Variants in BCAS3 observed in about 807,000 individuals in gnomAD.
BCAS3 encodes the protein BCAS3 microtubule associated cell migration factor, also known as BCAS4/BCAS3 fusion.
Under a neutral mutation model 116.1 loss-of-function variants are expected in BCAS3, and 53 were observed. That is an observed-to-expected ratio of 0.46 (90% CI 0.37 to 0.57). The LOEUF (loss-of-function observed/expected upper bound fraction) is 0.57, where lower values mean the gene tolerates loss of function less well. BCAS3 is among the 20% of genes least tolerant of loss of function. The probability of loss-of-function intolerance (pLI) is 0.00; values close to 1 mark genes in which losing one functional copy is unlikely to be tolerated. For synonymous variants in BCAS3, 391 were observed against 408.2 expected, an observed-to-expected ratio of 0.96 and a Z score of 0.51; for missense variants, 917 against 1,165.4, an observed-to-expected ratio of 0.79 and a Z score of 3.10.
At chr17:60,689,234 C>T (rs2034489945) in intron 3 of BCAS3, among the ~76,000 whole-genome samples, 3 of 152,144 alleles carry the variant, frequency 2.0e-5, no homozygotes, top group African/African-American at 4.8e-5. Flanking sequence ...AGTGCGGTGG[C>T]ACGATCTCTG....
chr17:61,277,597 C>G (rs11659059), intron 22 of BCAS3, among the ~76,000 whole-genome samples: 3 of 151,088 alleles, frequency 2.0e-5, no homozygotes, highest in Admixed American at 6.6e-5. Flanking sequence ...AATCATATAT[C>G]TGATAAGGGA....
At position 60,921,765 on chromosome 17, in the gene BCAS3, C is replaced by A. The variant is rs2059115236; in HGVS notation, c.994-2642C>A. On this transcript the variant is annotated intron_variant, in intron 12 of 23. Coordinates refer to ENST00000407086, the MANE Select transcript of BCAS3 (RefSeq NM_017679.5). ...TGCTCACTACCTGGGTGCAATATATCCATGTAACAAACCTGCACATGCACC... is the reference window on the plus strand; with the variant it reads ...TGCTCACTACCTGGGTGCAATATATACATGTAACAAACCTGCACATGCACC... 2.0e-5 allele frequency among the ~76,000 whole-genome samples: 3 copies of A among 151,452 alleles called. No individual in the cohort carries two copies. In the South Asian group the frequency reaches 6.2e-4, roughly 31 times the overall value.
At position 61,355,307 on chromosome 17, in the gene BCAS3, A is replaced by G. The variant is rs2058082654; in HGVS notation, c.2426-13020A>G. ...CTTGGCCCCAGGTTTCAGACTTCAAAGTTCTCAGTTGAGAGCCTCGTGTTT... is the reference window on the plus strand; with the variant it reads ...CTTGGCCCCAGGTTTCAGACTTCAAGGTTCTCAGTTGAGAGCCTCGTGTTT... On this transcript the variant is annotated intron_variant, in intron 22 of 23. Transcript: ENST00000407086. The surrounding 1 kb of genome is among the most constrained non-coding windows in gnomAD (Gnocchi z 4.2). Among the ~76,000 whole-genome samples the G allele has an allele frequency of 6.6e-6, 1 of 152,212 alleles. No individual in the cohort carries two copies. Among genetic ancestry groups the G allele is most frequent in the Non-Finnish European group, 1.5e-5 (1 of 68,040 alleles).
intron 7 of BCAS3, chr17:60,810,271 T>A (rs2048677032): frequency 6.7e-6 from 3 of 446,454 alleles, no homozygotes; most frequent in Non-Finnish European, 1.3e-5. Context: ...GGCCAGTGTC[T>A]GTGCAGGCAC....
At chr17:61,040,943 A>C (rs975935239) in intron 19 of BCAS3, 51 bp downstream of exon 19, 1 of 1,467,430 alleles carries the variant, frequency 6.8e-7, no homozygotes, top group Admixed American at 1.7e-5. Flanking sequence ...TTCAGATTTC[A>C]TCTTAAAATG....
intron 11 of BCAS3, among the ~76,000 whole-genome samples, chr17:60,909,023 A>G (rs2058342771): frequency 6.6e-6 from 1 of 152,016 alleles, no homozygotes; most frequent in Non-Finnish European, 1.5e-5. Flanking sequence ...TCATTGGGTA[A>G]CTGTTTGAGC....
intron 7 of BCAS3, among the ~76,000 whole-genome samples, chr17:60,855,209 A>G (rs2053565134): frequency 6.6e-6 from 1 of 151,052 alleles, no homozygotes; most frequent in African/African-American, 2.4e-5. Flanking sequence ...TGGCCTCCCA[A>G]AATGCTGGGA....
intron 22 of BCAS3, among the ~76,000 whole-genome samples, chr17:61,314,649 C>G (rs1236049847): frequency 2.6e-5 from 4 of 152,216 alleles, no homozygotes; most frequent in African/African-American, 9.7e-5. Flanking sequence ...AAGTGCTTGC[C>G]AAGCCTGAAA....
intron 12 of BCAS3, among the ~76,000 whole-genome samples, chr17:60,911,948 A>T (rs2058537692): frequency 6.6e-6 from 1 of 152,212 alleles, no homozygotes; most frequent in Non-Finnish European, 1.5e-5. Flanking sequence ...CTTCAGATAC[A>T]GTGTTCTGTA....
intron 22 of BCAS3, among the ~76,000 whole-genome samples, chr17:61,342,585 G>A (rs1283584143): frequency 6.6e-6 from 1 of 152,188 alleles, no homozygotes; most frequent in African/African-American, 2.4e-5. Flanking sequence ...CACAGGTAGA[G>A]AGCCCAAGCC....
Position 61,215,534 on chromosome 17 carries a change from A to G in BCAS3, c.2425+130970A>G, listed in dbSNP as rs986886573. On this transcript the variant is annotated intron_variant, in intron 22 of 23. Transcript: ENST00000407086. The surrounding 1 kb of genome is among the most constrained non-coding windows in gnomAD (Gnocchi z 4.8). The stretch of plus-strand genomic sequence containing the variant: ...CAAACACCTGCATTCCAACATCTCC[A>G]TAAAGTGCGAACCAAGATACATTAT... Among the ~76,000 whole-genome samples the G allele has an allele frequency of 2.6e-5, 4 of 152,236 alleles. No homozygotes were observed. Among genetic ancestry groups the G allele is most frequent in the African/African-American group, 9.6e-5 (4 of 41,456 alleles).
In BCAS3 at chr17:61,198,014, T is replaced by A. The variant is rs985651781; in HGVS notation, c.2425+113450T>A. ...CTATATAGTAATGAATATTAGATTTTAAGCTTGTTGGGGGCAAGAAAAGTA... is the reference window on the plus strand; with the variant it reads ...CTATATAGTAATGAATATTAGATTTAAAGCTTGTTGGGGGCAAGAAAAGTA... On this transcript the variant is annotated intron_variant, in intron 22 of 23. Coordinates refer to ENST00000407086, the MANE Select transcript of BCAS3 (RefSeq NM_017679.5). This position sits in a 1 kb window ranked among gnomAD's most constrained non-coding sequence, Gnocchi z 5.0. 6.6e-6 allele frequency among the ~76,000 whole-genome samples: 1 copy of A among 152,260 alleles called. No homozygotes were observed. Among genetic ancestry groups the A allele is most frequent in the African/African-American group, 2.4e-5 (1 of 41,464 alleles).
At chr17:60,814,306 T>TGTGTGTGTGTGCGCGCGTGCGC (rs368289350) in intron 7 of BCAS3, among the ~76,000 whole-genome samples, 2 of 148,302 alleles carry the variant, frequency 1.3e-5, no homozygotes, top group African/African-American at 5.0e-5. Context: ...TGTGTGTGTG[T>TGTGTGTGTGTGCGCGCGTGCGC]GCGCGCGTGC....
rs1454873041 is a variant in BCAS3, at chr17:61,219,861, G to GTT, written c.2425+135303_2425+135304dup. Among the ~76,000 whole-genome samples, 1 of 152,086 alleles carries GTT rather than the reference G, an allele frequency of 6.6e-6. No individual in the cohort carries two copies. The highest frequency in any genetic ancestry group is 1.5e-5 in the Non-Finnish European group (1 of 68,004). On this transcript the variant is annotated intron_variant, in intron 22 of 23. Transcript: ENST00000407086. This position sits in a 1 kb window ranked among gnomAD's most constrained non-coding sequence, Gnocchi z 5.2. ...AAAAAAGGAAAGGTCTTTTAAGGACGTTTTTTTCCCATCCTGTTTGGGGTA... is the reference window on the plus strand; with the variant it reads ...AAAAAAGGAAAGGTCTTTTAAGGACGTTTTTTTTTCCCATCCTGTTTGGGGTA...
chr17:61,166,977 G>C (rs1056144676), intron 22 of BCAS3, among the ~76,000 whole-genome samples: 2 of 151,938 alleles, frequency 1.3e-5, no homozygotes, highest in Non-Finnish European at 2.9e-5. Flanking sequence ...CAACTCCTGG[G>C]CTCAAGCGAT....
chr17:60,906,708 AT>A (rs1277122154), intron 11 of BCAS3, among the ~76,000 whole-genome samples: 1 of 152,168 alleles, frequency 6.6e-6, no homozygotes, highest in African/African-American at 2.4e-5. Flanking sequence ...AGTTGTTCTC[AT>A]TAGTGGAAAT....
In BCAS3 at chr17:60,995,996, G is replaced by A. The variant is rs549422012; in HGVS notation, c.1486+5761G>A. On this transcript the variant is annotated intron_variant, in intron 15 of 23. Transcript: ENST00000407086. This position sits in a 1 kb window ranked among gnomAD's most constrained non-coding sequence, Gnocchi z 4.7. Reference sequence around the variant, plus strand: ...GAGAGAAATTCATATAGAACAGCCTGTGTAAAATCCTGAGGTGGGAGTGTG... The same window carrying A: ...GAGAGAAATTCATATAGAACAGCCTATGTAAAATCCTGAGGTGGGAGTGTG... Among the ~76,000 whole-genome samples the A allele has an allele frequency of 2.0e-5, 3 of 152,296 alleles. No homozygotes were observed. In the South Asian group the frequency reaches 6.2e-4, roughly 32 times the overall value.
chr17:61,391,877 A>T lies in BCAS3; in HGVS notation c.2594-100A>T. On this transcript the variant is annotated intron_variant, in intron 23 of 23. Transcript: ENST00000407086. The surrounding 1 kb of genome is among the most constrained non-coding windows in gnomAD (Gnocchi z 7.7). ...TCCCCCTGCGGAAGGACACAAGTGAACCCAGAATGGTGCCTCAAGGCAGGC... is the reference window on the plus strand; with the variant it reads ...TCCCCCTGCGGAAGGACACAAGTGATCCCAGAATGGTGCCTCAAGGCAGGC... 7.5e-7 allele frequency: 1 copy of T among 1,337,256 alleles called. No individual in the cohort carries two copies. Among genetic ancestry groups the T allele is most frequent in the Non-Finnish European group, 1.0e-6 (1 of 965,296 alleles). 82.8% of individuals were successfully genotyped at this position (1,337,256 alleles called of 1,614,324 possible).
At chr17:60,790,143 T>A (rs1210022873) in intron 6 of BCAS3, among the ~76,000 whole-genome samples, 1 of 152,186 alleles carries the variant, frequency 6.6e-6, no homozygotes, top group Admixed American at 6.5e-5. Context: ...ATAAACTTTA[T>A]AAATTTTTAG....
Sources: gnomAD v4.1 joint callset for allele counts (sites outside exome capture counted in the v4.1 genomes callset) on GRCh38, gnomAD v4.1.1 for gene constraint, Gnocchi (gnomAD v3.1) non-coding constraint, MANE v1.5 for transcripts, NCBI Gene and HGNC (gene_info 2026-07-23, HGNC 2026-07-21) for gene names.